PHF19: variants seen among roughly 807,000 people sequenced by gnomAD.
PHF19 encodes polycomb like 3.
Under a neutral mutation model 79.8 loss-of-function variants are expected in PHF19, and 21 were observed. The ratio of observed to expected loss-of-function variants is 0.26; its 90% CI spans 0.19 to 0.38. PHF19 has a LOEUF of 0.38. Ranked by LOEUF, PHF19 falls within the 10% of genes least tolerant of loss-of-function variation. PHF19 has a pLI of 1.00. For missense variants in PHF19, 445 were observed against 744.2 expected (o/e 0.60, Z 4.68); for synonymous variants, 273 against 296.3 (o/e 0.92, Z 0.81).
At chr9:120,883,622 T>A (rs976413081) in intron 1 of PHF19, among the ~76,000 whole-genome samples, 4 of 152,108 alleles carry the variant, frequency 2.6e-5, no homozygotes, top group Admixed American at 2.6e-4. Flanking sequence ...TAGCTGGGCA[T>A]GGTGGCATGC....
At chr9:120,877,012 G>C (rs1011281588) in intron 1 of PHF19, 79 bp downstream of exon 1, 28 of 985,330 alleles carry the variant, frequency 2.8e-5, no homozygotes, top group Admixed American at 1.2e-4. Context: ...CCAAAGTTCA[G>C]GGAGATTTCG....
chr9:120,887,074 AAAAG>A (rs1335571439), intron 1 of PHF19, among the ~76,000 whole-genome samples: 2 of 16,344 alleles, frequency 1.2e-4, no homozygotes, highest in Non-Finnish European at 2.2e-4. Flanking sequence ...TAAAAAAAAA[AAAAG>A]AAAAGAAAAG....
rs1224973398 is a variant in PHF19 at position 120,870,629 on chromosome 9, AGGCCTAGCGCTG to A, written c.269-103_269-92del. ...AGATGCCCAGCCTCTAATGTCTGCT[AGGCCTAGCGCTG>A]GGCCCCACATGCCACCTCACTGAAT... On this transcript the variant is annotated intron_variant, in intron 3 of 14. Coordinates refer to ENST00000373896, the MANE Select transcript of PHF19 (RefSeq NM_015651.3). This position sits in a 1 kb window ranked among gnomAD's most constrained non-coding sequence, Gnocchi z 4.4. The A allele has an allele frequency of 1.8e-5, 14 of 794,332 alleles. No homozygotes were observed. Among genetic ancestry groups the A allele is most frequent in the Non-Finnish European group, 2.4e-5 (11 of 449,962 alleles). 49.2% of individuals were successfully genotyped at this position (794,332 alleles called of 1,614,324 possible).
In PHF19 at chr9:120,874,469, C is replaced by T. The variant is rs2045989513; in HGVS notation, c.186+87G>A. On this transcript the variant is annotated intron_variant, in intron 2 of 14. Coordinates refer to ENST00000373896, the MANE Select transcript of PHF19 (RefSeq NM_015651.3). This position sits in a 1 kb window ranked among gnomAD's most constrained non-coding sequence, Gnocchi z 4.5. ...ACAAGAAGGGAATTCTCCAGCAATC[C>T]CCCTGCCCCCTGGTCTGACAGCCAG... The T allele has an allele frequency of 2.3e-6, 2 of 888,170 alleles. No individual in the cohort carries two copies. Among genetic ancestry groups the T allele is most frequent in the Non-Finnish European group, 3.6e-6 (2 of 557,232 alleles). 55.0% of individuals were successfully genotyped at this position (888,170 alleles called of 1,614,324 possible).
chr9:120,874,902 G>C lies in PHF19; in HGVS notation c.-15-146C>G. ...CACTGATTCCTCGTGACCATCCTAT[G>C]AGGGAGACATTATTATTATTCACAT... On this transcript the variant is annotated intron_variant, in intron 1 of 14. Coordinates refer to ENST00000373896, the MANE Select transcript of PHF19 (RefSeq NM_015651.3). The surrounding 1 kb of genome is among the most constrained non-coding windows in gnomAD (Gnocchi z 4.5). 2 of 603,508 alleles carry C rather than the reference G, an allele frequency of 3.3e-6. No individual in the cohort carries two copies. The highest frequency in any genetic ancestry group is 2.9e-6 in the Non-Finnish European group (1 of 339,256). 37.4% of individuals were successfully genotyped at this position (603,508 alleles called of 1,614,324 possible).
chr9:120,882,988 G>T (rs2046209979), intron 1 of PHF19, among the ~76,000 whole-genome samples: 1 of 152,146 alleles, frequency 6.6e-6, no homozygotes, highest in Admixed American at 6.5e-5. Flanking sequence ...TGAATTTCGG[G>T]GTTGGTTTAT....
At chr9:120,865,887 G>T in intron 8 of PHF19, 57 bp from the exon 9 acceptor site, 1 of 1,612,378 alleles carries the variant, frequency 6.2e-7, no homozygotes, top group Non-Finnish European at 8.5e-7. Context: ...CTCAGCCAGG[G>T]TCACAGCTTT....
Position 120,862,613 on chromosome 9 carries a change from G to A in PHF19, c.1105C>T (p.Arg369Cys), listed in dbSNP as rs113144952. The change falls in exon 11 of 15, where the codon CGT becomes TGT. Residue 369 changes from arginine (R) to cysteine (C), a missense_variant. Arg to Cys is a radical substitution (Grantham distance 180, BLOSUM62 -3). Around this residue, in one of 5 missense-constraint regions of PHF19, gnomAD observed 83 missense variants for 85.5 expected, o/e 0.97. Coordinates refer to ENST00000373896, the MANE Select transcript of PHF19 (RefSeq NM_015651.3). This position sits in a 1 kb window ranked among gnomAD's most constrained non-coding sequence, Gnocchi z 4.6. ...CCAGGCTTGCTCTTTCCTCTCTTACGCAGCTCAGAGGAGGCGCTGTTCTCA... is the reference window on the plus strand; with the variant it reads ...CCAGGCTTGCTCTTTCCTCTCTTACACAGCTCAGAGGAGGCGCTGTTCTCA... ...PNENSASSEL[R>C]KRGKSKPGLL... 2 of 1,613,820 alleles carry A rather than the reference G, an allele frequency of 1.2e-6. No homozygotes were observed. The highest frequency in any genetic ancestry group is 1.7e-6 in the Non-Finnish European group (2 of 1,179,976).
At position 120,862,840 on chromosome 9, in the gene PHF19, C is replaced by T. The variant is rs965613969; in HGVS notation, c.969-91G>A. On this transcript the variant is annotated intron_variant, in intron 10 of 14. Coordinates refer to ENST00000373896, the MANE Select transcript of PHF19 (RefSeq NM_015651.3). The surrounding 1 kb of genome is among the most constrained non-coding windows in gnomAD (Gnocchi z 4.6). ...TCAAGCATGACACAAGCCTCTCTGC[C>T]TCCTTGGACCCAGAGCTAAAATCCG... is the stretch of plus-strand genomic sequence containing the variant. The T allele has an allele frequency of 3.3e-6, 4 of 1,209,180 alleles. No individual in the cohort carries two copies. The highest frequency in any genetic ancestry group is 1.5e-5 in the African/African-American group (1 of 66,880). The allele number at this position is 1,209,180 out of a possible 1,614,324, so 74.9% of individuals were successfully genotyped here. A position where few individuals can be genotyped will look rare whatever the true frequency, so the allele number is the denominator to read the frequency against.
At chr9:120,859,000 T>C (rs1412642523) in intron 14 of PHF19, among the ~76,000 whole-genome samples, 1 of 152,146 alleles carries the variant, frequency 6.6e-6, no homozygotes, top group Non-Finnish European at 1.5e-5. Flanking sequence ...ACGCCTGTAG[T>C]CCCAGCTACT....
rs2045990056 is a variant in PHF19, at chr9:120,874,481, G to C, written c.186+75C>G. 2 of 1,006,380 alleles carry C rather than the reference G, an allele frequency of 2.0e-6. No homozygotes were observed. Among genetic ancestry groups the C allele is most frequent in the Non-Finnish European group, 3.1e-6 (2 of 653,318 alleles). The allele number at this position is 1,006,380 out of a possible 1,614,324, so 62.3% of individuals were successfully genotyped here. On this transcript the variant is annotated intron_variant, in intron 2 of 14. Transcript: ENST00000373896. The surrounding 1 kb of genome is among the most constrained non-coding windows in gnomAD (Gnocchi z 4.5). Reference sequence around the variant, plus strand: ...TTCTCCAGCAATCCCCCTGCCCCCTGGTCTGACAGCCAGGCTGGAACATGA... The same window carrying C: ...TTCTCCAGCAATCCCCCTGCCCCCTCGTCTGACAGCCAGGCTGGAACATGA...
At chr9:120,894,975 A>C (rs1024338328), upstream of PHF19, 34 of 377,296 alleles carry the variant, frequency 9.0e-5, no homozygotes, top group African/African-American at 7.2e-4. Flanking sequence ...AATCGATGGG[A>C]GCCTGCCATG....
At position 120,862,678 on chromosome 9, in the gene PHF19, G is replaced by A. The variant is rs749349963; in HGVS notation, c.1040C>T (p.Pro347Leu). ...FRLRIRVPPN[P>L]PGKLLPDKGL... ...TTTGTCAGGCAGCAGCTTCCCTGGC[G>A]GGTTGGGTGGGACGCGGATGCGCAG... The change falls in exon 11 of 15, where the codon CCG (proline) becomes CTG (leucine). Residue 347 changes from proline to leucine, a missense_variant. Pro to Leu is a moderately conservative substitution (Grantham distance 98). This residue lies in a region of PHF19 where 83 missense variants were observed against 85.5 expected (regional missense o/e 0.97). Coordinates refer to ENST00000373896, the MANE Select transcript of PHF19 (RefSeq NM_015651.3). The surrounding 1 kb of genome is among the most constrained non-coding windows in gnomAD (Gnocchi z 4.6). The A allele has an allele frequency of 3.1e-6, 5 of 1,614,116 alleles. No individual in the cohort carries two copies. The highest frequency in any genetic ancestry group is 2.2e-5 in the South Asian group (2 of 91,082).
the PHF19 span, among the ~76,000 whole-genome samples, chr9:120,899,996 T>C: frequency 6.6e-6 from 1 of 151,734 alleles, no homozygotes; most frequent in Non-Finnish European, 1.5e-5. Flanking sequence ...CTGACTTTTC[T>C]TTTTTTTTGA....
intron 14 of PHF19, among the ~76,000 whole-genome samples, chr9:120,858,617 G>C (rs953342248): frequency 2.0e-5 from 3 of 152,106 alleles, no homozygotes; most frequent in Non-Finnish European, 4.4e-5. Flanking sequence ...TATGCTCTTA[G>C]AGCTAGGATC....
upstream of PHF19, among the ~76,000 whole-genome samples, chr9:120,880,146 C>T (rs1027042871): frequency 6.6e-5 from 10 of 152,202 alleles, no homozygotes; most frequent in African/African-American, 2.4e-4. Context: ...TGACTCCACT[C>T]GTCATTCAGC....
chr9:120,861,771 G>T, intron 12 of PHF19, 147 bp downstream of exon 12: 1 of 707,774 alleles, frequency 1.4e-6, no homozygotes. Flanking sequence ...GTCTTAGAGT[G>T]CCTGGCTTAG....
In PHF19 at chr9:120,875,144, TCTC is replaced by T. The variant is rs576834561; in HGVS notation, c.-15-391_-15-389del. Among the ~76,000 whole-genome samples the T allele has an allele frequency of 2.8e-4, 42 of 152,268 alleles. 1 individual carries two copies. Among genetic ancestry groups the T allele is most frequent in the Non-Finnish European group, 5.4e-4 (37 of 68,020 alleles). ...TCCATGTGCTCTGGATGGAGGATCT[TCTC>T]CAGGCAAGCAGTTGGGTTTTGTTTT... On this transcript the variant is annotated intron_variant, in intron 1 of 14. Coordinates refer to ENST00000373896, the MANE Select transcript of PHF19 (RefSeq NM_015651.3).
chr9:120,859,763 G>A (rs551017917), intron 14 of PHF19, among the ~76,000 whole-genome samples: 1 of 152,322 alleles, frequency 6.6e-6, no homozygotes, highest in African/African-American at 2.4e-5. Context: ...GCACGTGGAG[G>A]CCAAAAGTGA....
Sources: gnomAD v4.1 joint callset for allele counts (sites outside exome capture counted in the v4.1 genomes callset) on GRCh38, gnomAD v4.1.1 for gene constraint, gnomAD v4.1.1 regional missense constraint, Gnocchi (gnomAD v3.1) non-coding constraint, MANE v1.5 for transcripts, NCBI Gene and HGNC (gene_info 2026-07-23, HGNC 2026-07-21) for gene names.